The following RAB3IP variants were observed in gnomAD, a reference collection of about 807,000 sequenced individuals.
RAB3IP encodes the protein RAB3A interacting protein.
Under a neutral mutation model 59.1 loss-of-function variants are expected in RAB3IP, and 36 were observed. The observed-to-expected ratio is 0.61, with a 90% CI of 0.47 to 0.80. RAB3IP has a LOEUF of 0.80. Among genes scored for constraint, RAB3IP ranks in the 30% least tolerant of loss-of-function variants. RAB3IP has a pLI of 0.00. For synonymous variants in RAB3IP, 207 were observed against 191.2 expected, an observed-to-expected ratio of 1.08 and a Z score of -0.68; for missense variants, 511 against 536.0, an observed-to-expected ratio of 0.95 and a Z score of 0.46.
At chr12:69,789,353 T>C (rs1045957690) in intron 4 of RAB3IP, among the ~76,000 whole-genome samples, 4 of 152,238 alleles carry the variant, frequency 2.6e-5, no homozygotes. Context: ...AAGTGACTTT[T>C]ATGAACCACA....
chr12:69,772,825 A>C (rs1417868456), intron 3 of RAB3IP, among the ~76,000 whole-genome samples: 2 of 152,180 alleles, frequency 1.3e-5, no homozygotes, highest in African/African-American at 4.8e-5. Flanking sequence ...AGGAGTGGTT[A>C]ATATACTACT....
chr12:69,771,246 T>C (rs1422482705), intron 3 of RAB3IP, among the ~76,000 whole-genome samples: 1 of 152,184 alleles, frequency 6.6e-6, no homozygotes, highest in Non-Finnish European at 1.5e-5. Context: ...TTTAAAATAA[T>C]CCAGCAGGGC....
intron 1 of RAB3IP, 105 bp from the exon 2 acceptor site, chr12:69,755,277 TTA>T (rs1274357449): frequency 3.3e-5 from 34 of 1,025,804 alleles, no homozygotes; most frequent in Non-Finnish European, 4.6e-5. Flanking sequence ...TATTGTAAGC[TTA>T]TAATTTACAA....
At chr12:69,804,312 T>A (rs1878883994) in intron 8 of RAB3IP, among the ~76,000 whole-genome samples, 1 of 152,268 alleles carries the variant, frequency 6.6e-6, no homozygotes, top group Admixed American at 6.5e-5. Flanking sequence ...GACAAATGTC[T>A]GTTCATATCC....
intron 3 of RAB3IP, among the ~76,000 whole-genome samples, chr12:69,783,261 G>A (rs540356778): frequency 3.3e-5 from 5 of 152,236 alleles, no homozygotes; most frequent in African/African-American, 4.8e-5. Context: ...CCTTTGTCTC[G>A]TAGGTAATCC....
intron 1 of RAB3IP, among the ~76,000 whole-genome samples, chr12:69,748,870 G>C (rs1024019095): frequency 1.3e-5 from 2 of 152,204 alleles, no homozygotes; most frequent in African/African-American, 2.4e-5. Context: ...TTTCAGACCA[G>C]TGAGATTGGC....
rs1016077660 is a variant in RAB3IP, at chr12:69,820,872, A to C, written c.*5426A>C. On this transcript the variant is annotated 3_prime_UTR_variant, in exon 11 of 11. Transcript: ENST00000247833. ...AAACTCCGTCTGAAAAAAAAAAAAA[A>C]AAACCCAAACTCAATAGAAAATCAA... 4.0e-5 allele frequency: 6 copies of C among 151,764 alleles called. No homozygotes were observed. The highest frequency in any genetic ancestry group is 2.1e-4 in the South Asian group (1 of 4,820). The allele number at this position is 151,764 out of a possible 1,614,324, so 9.4% of individuals were successfully genotyped here.
chr12:69,768,504 G>C (rs1270957670), intron 3 of RAB3IP, among the ~76,000 whole-genome samples: 1 of 152,154 alleles, frequency 6.6e-6, no homozygotes, highest in East Asian at 1.9e-4. Context: ...CAGGAAAGGT[G>C]GGGCTGCTCA....
At chr12:69,760,391 CGTGGGGAGAGGGAGAGGGAGACT>C (rs1202747049) in intron 3 of RAB3IP, among the ~76,000 whole-genome samples, 3 of 151,514 alleles carry the variant, frequency 2.0e-5, no homozygotes, top group Admixed American at 6.6e-5. Context: ...CGAGGGAGAC[CGTGGGGAGAGGGAGAGGGAGACT>C]GTGGGGAGAG....
At chr12:69,758,982 A>G (rs1192219928) in intron 3 of RAB3IP, among the ~76,000 whole-genome samples, 4 of 103,366 alleles carry the variant, frequency 3.9e-5, no homozygotes, top group African/African-American at 1.6e-4. Flanking sequence ...CCTTCTGGTC[A>G]CTTCTAAGAT....
intron 1 of RAB3IP, among the ~76,000 whole-genome samples, chr12:69,742,610 G>A (rs1186243830): frequency 5.9e-5 from 9 of 152,158 alleles, no homozygotes; most frequent in Admixed American, 5.9e-4. Flanking sequence ...ATCGGGCCAG[G>A]TAAGTACTGT....
rs1199617107 is a variant in RAB3IP, at chr12:69,756,668, GAA to G, written c.510+7_510+8del. ...GAACTCGCAAAAGCTCAGAGGGTAA[GAA>G]AGAAGATATTTTATTCTTCCATATA... On this transcript the variant is annotated splice_donor_region_variant and intron_variant, in intron 3 of 10. Coordinates refer to ENST00000247833, the MANE Select transcript of RAB3IP (RefSeq NM_022456.5). 1 of 1,606,350 alleles carries G rather than the reference GAA, an allele frequency of 6.2e-7. No individual in the cohort carries two copies. Among genetic ancestry groups the G allele is most frequent in the Admixed American group, 1.7e-5 (1 of 58,344 alleles).
At chr12:69,750,061 C>T (rs1868981723) in intron 1 of RAB3IP, among the ~76,000 whole-genome samples, 1 of 152,222 alleles carries the variant, frequency 6.6e-6, no homozygotes, top group African/African-American at 2.4e-5. Flanking sequence ...CAAAGCAGTT[C>T]TACTTGTAAG....
rs1881069124 is a variant in RAB3IP at position 69,815,704 on chromosome 12, A to G, written c.*258A>G. On this transcript the variant is annotated 3_prime_UTR_variant, in exon 11 of 11. Transcript: ENST00000247833. The stretch of plus-strand genomic sequence containing the variant: ...GTTGCCAAAAAAAAAAAAAACCTGA[A>G]ATAAATAAATGTTAGATTGAATGTG... 1 of 260,350 alleles carries G rather than the reference A, an allele frequency of 3.8e-6. No homozygotes were observed. The allele number at this position is 260,350 out of a possible 1,614,324, so 16.1% of individuals were successfully genotyped here.
chr12:69,813,089 A>G (rs1025164869), intron 10 of RAB3IP, 56 bp downstream of exon 10: 8 of 1,309,656 alleles, frequency 6.1e-6, no homozygotes, highest in Admixed American at 2.0e-5. Flanking sequence ...AAAAAGTATA[A>G]GTAAAGTTCA....
Position 69,749,782 on chromosome 12 carries a change from G to A in RAB3IP, c.-25-5602G>A, listed in dbSNP as rs537999387. ...TTTGTCCTTCCCGTGTGGTCTCTGA[G>A]TTTATTTGCATCTTCTGTGGCATTT... On this transcript the variant is annotated intron_variant, in intron 1 of 10. Transcript: ENST00000247833. 1.9e-4 allele frequency among the ~76,000 whole-genome samples: 29 copies of A among 152,250 alleles called. 2 individuals are homozygous for A. The South Asian group carries it at 5.4e-3, about 28-fold the overall frequency.
chr12:69,821,608 GTTTA>G lies in RAB3IP; in HGVS notation c.*6166_*6169del, dbSNP rs1366587126. 6.6e-6 allele frequency: 1 copy of G among 152,148 alleles called. No homozygotes were observed. Among genetic ancestry groups the G allele is most frequent in the Non-Finnish European group, 1.5e-5 (1 of 68,012 alleles). 9.4% of individuals were successfully genotyped at this position (152,148 alleles called of 1,614,324 possible). On this transcript the variant is annotated 3_prime_UTR_variant, in exon 11 of 11. Coordinates refer to ENST00000247833, the MANE Select transcript of RAB3IP (RefSeq NM_022456.5). Reference sequence around the variant, plus strand: ...GCTATTTGTCCTTCACAGTGTTTTGGTTTATTTTTCTGTTTGTCCATCTTGTTTT... The same window carrying G: ...GCTATTTGTCCTTCACAGTGTTTTGGTTTTTCTGTTTGTCCATCTTGTTTT...
intron 10 of RAB3IP, among the ~76,000 whole-genome samples, chr12:69,814,471 A>G (rs1460136876): frequency 6.6e-6 from 1 of 152,100 alleles, no homozygotes; most frequent in Non-Finnish European, 1.5e-5. Flanking sequence ...CTAAAGCAGA[A>G]TTTCTCGACC....
intron 4 of RAB3IP, among the ~76,000 whole-genome samples, chr12:69,793,948 T>G (rs1592575315): frequency 1.3e-5 from 2 of 152,220 alleles, no homozygotes; most frequent in African/African-American, 4.8e-5. Context: ...TTCACAAAAT[T>G]GTCACATAAT....
Sources: gnomAD v4.1 joint callset for allele counts (sites outside exome capture counted in the v4.1 genomes callset) on GRCh38, gnomAD v4.1.1 for gene constraint, MANE v1.5 for transcripts, NCBI Gene and HGNC (gene_info 2026-07-23, HGNC 2026-07-21) for gene names.